TET3: variants seen among roughly 807,000 people sequenced by gnomAD.
The protein encoded by TET3 is methylcytosine dioxygenase TET3.
TET3 carries 19 observed loss-of-function variants against 141.4 expected under a neutral mutation model. That is an observed-to-expected ratio of 0.13 (90% CI 0.09 to 0.20). TET3 has a LOEUF of 0.20. Ranked by LOEUF, TET3 falls within the 10% of genes least tolerant of loss-of-function variation. The pLI is 1.00. For synonymous variants in TET3, 1,043 were observed against 980.9 expected (o/e 1.06, Z -1.18); for missense variants, 1,874 against 2,356.9 (o/e 0.80, Z 4.24).
the TET3 span, among the ~76,000 whole-genome samples, chr2:74,118,224 T>C: frequency 1.3e-5 from 2 of 151,726 alleles, no homozygotes; most frequent in Non-Finnish European, 2.9e-5. Flanking sequence ...GCTGTAAATC[T>C]TGAATAACAC....
At chr2:74,027,962 T>G (rs1035111705) in intron 3 of TET3, among the ~76,000 whole-genome samples, 1 of 152,076 alleles carries the variant, frequency 6.6e-6, no homozygotes, top group African/African-American at 2.4e-5. Flanking sequence ...GATTTATAAA[T>G]TTTTTTCCCA....
chr2:74,096,700 A>G (rs2104165081), intron 10 of TET3, among the ~76,000 whole-genome samples: 3 of 151,726 alleles, frequency 2.0e-5, no homozygotes, highest in African/African-American at 7.2e-5. Flanking sequence ...CCCGGGAGGC[A>G]GAGGTTGCAG....
At chr2:74,025,412 C>T (rs1033281531) in intron 3 of TET3, among the ~76,000 whole-genome samples, 3 of 150,964 alleles carry the variant, frequency 2.0e-5, no homozygotes, top group African/African-American at 2.4e-5. Flanking sequence ...CCTCAGCCTC[C>T]GAGTAGCTGG....
At chr2:74,118,521 C>A in the TET3 span, among the ~76,000 whole-genome samples, 1 of 152,202 alleles carries the variant, frequency 6.6e-6, no homozygotes, top group East Asian at 1.9e-4. Flanking sequence ...GTATATAATA[C>A]ATATAACATA....
chr2:74,124,310 TG>T, the TET3 span, among the ~76,000 whole-genome samples: 373 of 131,804 alleles, frequency 2.8e-3, 1 homozygote, highest in Middle Eastern at 0.015. Context: ...GGGAGGGAGG[TG>T]GGGGGTCAGC....
rs760159736 is a variant in TET3 at position 74,102,074 on chromosome 2, C to T, written c.5286C>T (p.Val1762=). ...AEPQQKEKKG[V]VPTRQALAVP... is the part of the protein sequence containing the mutation. ...CCCAGCAGAAAGAGAAGAAGGGGGT[C>T]GTCCCCACCCGGCAGGCACTGGCTG... The change falls in exon 12 of 12, where the codon GTC becomes GTT. Residue 1762 remains valine, a synonymous_variant. Transcript: ENST00000409262. The T allele has an allele frequency of 1.2e-4, 188 of 1,510,476 alleles. No homozygotes were observed. Among genetic ancestry groups the T allele is most frequent in the Non-Finnish European group, 1.6e-4 (179 of 1,131,098 alleles). 93.6% of individuals were successfully genotyped at this position (1,510,476 alleles called of 1,614,324 possible). A position where few individuals can be genotyped will look rare whatever the true frequency, so the allele number is the denominator to read the frequency against.
intron 3 of TET3, among the ~76,000 whole-genome samples, chr2:74,044,509 A>T (rs1357979556): frequency 6.6e-6 from 1 of 152,230 alleles, no homozygotes; most frequent in Non-Finnish European, 1.5e-5. Context: ...GTAAGTCAAA[A>T]ATAGGCATTT....
intron 2 of TET3, among the ~76,000 whole-genome samples, chr2:73,996,366 C>G (rs1360551225): frequency 1.3e-5 from 2 of 152,102 alleles, no homozygotes; most frequent in African/African-American, 4.8e-5. Flanking sequence ...TCTGGGAGGG[C>G]CCTTTAGAGT....
chr2:74,039,589 G>A (rs1450188685), intron 3 of TET3, among the ~76,000 whole-genome samples: 11 of 152,212 alleles, frequency 7.2e-5, no homozygotes, highest in African/African-American at 2.4e-4. Flanking sequence ...GTTATGCCCA[G>A]GGATTCTGTG....
downstream of TET3, among the ~76,000 whole-genome samples, chr2:74,110,722 C>A (rs828894): frequency 6.6e-6 from 1 of 152,098 alleles, no homozygotes; most frequent in Non-Finnish European, 1.5e-5. Flanking sequence ...CCCAATTTCC[C>A]TCACCACACT....
chr2:74,080,688 G>A, intron 6 of TET3, 97 bp downstream of exon 6: 1 of 468,786 alleles, frequency 2.1e-6, no homozygotes, highest in Non-Finnish European at 3.5e-6. Flanking sequence ...ATGTAGCTGA[G>A]CAGGCGAGGG....
At chr2:74,114,904 G>A in the TET3 span, among the ~76,000 whole-genome samples, 4 of 134,892 alleles carry the variant, frequency 3.0e-5, no homozygotes, top group African/African-American at 5.8e-5. Flanking sequence ...ATCTATATGC[G>A]AAGAAGAAAA....
intron 2 of TET3, among the ~76,000 whole-genome samples, chr2:73,996,981 C>T (rs189688093): frequency 3.3e-4 from 50 of 152,374 alleles, no homozygotes; most frequent in East Asian, 3.9e-4. Flanking sequence ...TGTTCCTGCA[C>T]TGCTGGCTGT....
chr2:74,077,425 T>C (rs528674172), intron 5 of TET3, among the ~76,000 whole-genome samples: 1 of 152,318 alleles, frequency 6.6e-6, no homozygotes, highest in East Asian at 1.9e-4. Context: ...AATAAGATGA[T>C]TGGCTTGTAT....
At chr2:73,994,517 T>C (rs1273047996) in intron 2 of TET3, among the ~76,000 whole-genome samples, 2 of 152,190 alleles carry the variant, frequency 1.3e-5, no homozygotes, top group East Asian at 3.8e-4. Flanking sequence ...AGGGAAGTTA[T>C]GAGGATGTCC....
At chr2:74,132,319 G>A in the TET3 span, among the ~76,000 whole-genome samples, 6 of 152,094 alleles carry the variant, frequency 3.9e-5, no homozygotes, top group Non-Finnish European at 7.4e-5. Context: ...CTTACAACGC[G>A]TTAGGCCAGG....
intron 3 of TET3, among the ~76,000 whole-genome samples, chr2:74,022,524 T>A (rs1224549228): frequency 6.6e-6 from 1 of 151,780 alleles, no homozygotes; most frequent in Non-Finnish European, 1.5e-5. Context: ...TTTTTTTTTT[T>A]ACATGCTTGT....
In TET3 at chr2:74,047,844, C is replaced by T. The variant is rs768536791; in HGVS notation, c.1927C>T (p.His643Tyr). Residue 643 changes from histidine to tyrosine, a missense_variant, in exon 4 of 12, where the codon CAT becomes TAT. Coordinates refer to ENST00000409262, the MANE Select transcript of TET3 (RefSeq NM_001287491.2). ...RSPASQEVQAHPPAPLPASQG... is the reference protein window; with the variant it reads ...RSPASQEVQAYPPAPLPASQG... ...CCCAGCCTCCCAGGAAGTGCAGGCT[C>T]ATCCACCGGCCCCTCTGCCTGCCTC... 1.1e-5 allele frequency: 18 copies of T among 1,612,578 alleles called. No homozygotes were observed. The East Asian group carries it at 1.6e-4, about 14-fold the overall frequency.
chr2:74,041,205 CT>C (rs1398617298), intron 3 of TET3, among the ~76,000 whole-genome samples: 1 of 152,188 alleles, frequency 6.6e-6, no homozygotes, highest in Admixed American at 6.5e-5. Flanking sequence ...GGAACCTAAG[CT>C]TTTCTCTCTC....
Sources: allele counts gnomAD v4.1 joint callset (sites outside exome capture counted in the v4.1 genomes callset), GRCh38; gene constraint gnomAD v4.1.1; transcripts MANE v1.5; gene names NCBI Gene and HGNC (gene_info 2026-07-23, HGNC 2026-07-21).